AJAP1: variants seen among roughly 807,000 people sequenced by gnomAD.
The protein encoded by AJAP1 is adherens junctions associated protein 1.
Under a neutral mutation model 35.0 loss-of-function variants are expected in AJAP1, and 5 were observed. The observed-to-expected ratio is 0.14, with a 90% CI of 0.07 to 0.30. AJAP1 has a LOEUF of 0.30. Ranked by LOEUF, AJAP1 falls within the 10% of genes least tolerant of loss-of-function variation. AJAP1 has a pLI of 1.00. For synonymous variants in AJAP1, 284 were observed against 249.3 expected (o/e 1.14, Z -1.31); for missense variants, 586 against 571.0 (o/e 1.03, Z -0.27).
At chr1:4,678,214 CAGTT>C (rs1210672628) in intron 1 of AJAP1, among the ~76,000 whole-genome samples, 1 of 152,220 alleles carries the variant, frequency 6.6e-6, no homozygotes, top group African/African-American at 2.4e-5. Context: ...ATTTGTGAAG[CAGTT>C]AGAGTGGTGT....
chr1:4,689,423 C>T (rs959567320), intron 1 of AJAP1, among the ~76,000 whole-genome samples: 8 of 152,252 alleles, frequency 5.3e-5, no homozygotes, highest in African/African-American at 1.2e-4. Flanking sequence ...GGGCCAGGAA[C>T]GCAAGGCCCA....
intron 2 of AJAP1, among the ~76,000 whole-genome samples, chr1:4,746,641 C>G (rs1054784407): frequency 6.6e-6 from 1 of 152,198 alleles, no homozygotes; most frequent in Non-Finnish European, 1.5e-5. Context: ...ACCGAAAATA[C>G]GTTTTAGGGC....
At chr1:4,737,016 T>C (rs1360964009) in intron 2 of AJAP1, among the ~76,000 whole-genome samples, 1 of 152,072 alleles carries the variant, frequency 6.6e-6, no homozygotes, top group African/African-American at 2.4e-5. Context: ...TAGAGAAAAA[T>C]GGTTGAATGA....
rs1640873120 is a variant in AJAP1 at position 4,734,470 on chromosome 1, T to C, written c.829+21771T>C. Reference sequence around the variant, plus strand: ...CAGCCTGAAGGGGGTGGAGTCAGGATTCAAACCTAGGTTCCAGGGATGGTG... The same window carrying C: ...CAGCCTGAAGGGGGTGGAGTCAGGACTCAAACCTAGGTTCCAGGGATGGTG... On this transcript the variant is annotated intron_variant, in intron 2 of 5. Transcript: ENST00000378191. The surrounding 1 kb of genome is among the most constrained non-coding windows in gnomAD (Gnocchi z 4.3). 6.6e-6 allele frequency among the ~76,000 whole-genome samples: 1 copy of C among 152,098 alleles called. No individual in the cohort carries two copies. Among genetic ancestry groups the C allele is most frequent in the East Asian group, 1.9e-4 (1 of 5,180 alleles).
intron 2 of AJAP1, among the ~76,000 whole-genome samples, chr1:4,722,177 A>G (rs1034054544): frequency 1.3e-5 from 2 of 152,128 alleles, no homozygotes; most frequent in Non-Finnish European, 2.9e-5. Flanking sequence ...CGGTGGTTGC[A>G]TGCGGGGGAA....
chr1:4,669,357 A>G (rs1462803453), intron 1 of AJAP1, among the ~76,000 whole-genome samples: 1 of 152,198 alleles, frequency 6.6e-6, no homozygotes, highest in Non-Finnish European at 1.5e-5. Flanking sequence ...TTTATAAAGG[A>G]AGAGGTTTAA....
chr1:4,681,554 T>C (rs925727260), intron 1 of AJAP1, among the ~76,000 whole-genome samples: 3 of 152,230 alleles, frequency 2.0e-5, no homozygotes, highest in Non-Finnish European at 4.4e-5. Flanking sequence ...ATTCCGGGCA[T>C]TTCTGCTTAC....
chr1:4,656,142 G>C lies in AJAP1; in HGVS notation c.29+688G>C, dbSNP rs1160479605. ...GCACATACGCCCGCCGGCGCGCCCG[G>C]GGCTTGTCTGTGTCTGGGACTCCAG... On this transcript the variant is annotated intron_variant, in intron 1 of 5. Coordinates refer to ENST00000378191, the MANE Select transcript of AJAP1 (RefSeq NM_018836.4). The surrounding 1 kb of genome is among the most constrained non-coding windows in gnomAD (Gnocchi z 5.7). Among the ~76,000 whole-genome samples, 4 of 152,184 alleles carry C rather than the reference G, an allele frequency of 2.6e-5. No homozygotes were observed. Among genetic ancestry groups the C allele is most frequent in the African/African-American group, 9.6e-5 (4 of 41,456 alleles).
intron 2 of AJAP1, among the ~76,000 whole-genome samples, chr1:4,740,659 G>A (rs372861681): frequency 4.6e-5 from 7 of 151,370 alleles, no homozygotes; most frequent in South Asian, 2.1e-4. Flanking sequence ...GGTGGCGGGC[G>A]CCTGTAGTCC....
intron 1 of AJAP1, among the ~76,000 whole-genome samples, chr1:4,695,750 C>G (rs1253419080): frequency 6.6e-6 from 1 of 152,096 alleles, no homozygotes; most frequent in Non-Finnish European, 1.5e-5. Context: ...TTTTAAGTCC[C>G]TATTGGATTA....
In AJAP1 at chr1:4,783,471, G is replaced by GTATATATATATATATATA. The variant is rs70957905; in HGVS notation, c.*1008_*1025dup. 3.5e-5 allele frequency: 2 copies of GTATATATATATATATATA among 57,810 alleles called. No individual in the cohort carries two copies. Among genetic ancestry groups the GTATATATATATATATATA allele is most frequent in the African/African-American group, 7.5e-5 (1 of 13,400 alleles). The allele number at this position is 57,810 out of a possible 1,614,324, so 3.6% of individuals were successfully genotyped here. A position where few individuals can be genotyped will look rare whatever the true frequency, so the allele number is the denominator to read the frequency against. On this transcript the variant is annotated 3_prime_UTR_variant, in exon 6 of 6. Coordinates refer to ENST00000378191, the MANE Select transcript of AJAP1 (RefSeq NM_018836.4). The stretch of plus-strand genomic sequence containing the variant: ...ATGCCAAGGTTTTATATATGTGTGT[G>GTATATATATATATATATA]TATATATATATATATATATATATAT...
chr1:4,729,670 A>T (rs964366655), intron 2 of AJAP1, among the ~76,000 whole-genome samples: 1 of 138,688 alleles, frequency 7.2e-6, no homozygotes, highest in Non-Finnish European at 1.6e-5. Flanking sequence ...CAGCCGTCCT[A>T]TTGGATGAGG....
intron 2 of AJAP1, among the ~76,000 whole-genome samples, chr1:4,740,397 T>TGGGGGAGGGGGGGGGGGA (rs1553159528): frequency 7.0e-6 from 1 of 142,912 alleles, no homozygotes; most frequent in Non-Finnish European, 1.5e-5. Flanking sequence ...GGGGACAGAG[T>TGGGGGAGGGGGGGGGGGA]TTCAGTTTTG....
chr1:4,736,720 A>C (rs1342719171), intron 2 of AJAP1, among the ~76,000 whole-genome samples: 2 of 152,200 alleles, frequency 1.3e-5, no homozygotes, highest in Non-Finnish European at 2.9e-5. Flanking sequence ...TTTATTGAAT[A>C]AGCAAATGAA....
chr1:4,671,754 C>A (rs1639253908), intron 1 of AJAP1, among the ~76,000 whole-genome samples: 1 of 152,200 alleles, frequency 6.6e-6, no homozygotes, highest in South Asian at 2.1e-4. Flanking sequence ...ATTTTTCCTG[C>A]TTTTGTAAAT....
intron 5 of AJAP1, among the ~76,000 whole-genome samples, chr1:4,780,222 G>A (rs1293592728): frequency 2.0e-5 from 3 of 151,344 alleles, no homozygotes; most frequent in Non-Finnish European, 4.4e-5. Flanking sequence ...TCCTGTGCAG[G>A]CATCTTCACA....
At chr1:4,780,521 G>A (rs1642037397) in intron 5 of AJAP1, among the ~76,000 whole-genome samples, 1 of 152,058 alleles carries the variant, frequency 6.6e-6, no homozygotes, top group South Asian at 2.1e-4. Context: ...ATGTGGAAGA[G>A]GTGGGCAGGG....
Position 4,786,066 on chromosome 1 carries a change from T to C in AJAP1, c.*3581T>C, listed in dbSNP as rs1642156811. 1 of 152,182 alleles carries C rather than the reference T, an allele frequency of 6.6e-6. No homozygotes were observed. Among genetic ancestry groups the C allele is most frequent in the African/African-American group, 2.4e-5 (1 of 41,434 alleles). The allele number at this position is 152,182 out of a possible 1,614,324, so 9.4% of individuals were successfully genotyped here. Reference sequence around the variant, plus strand: ...GAGTTTGGCGTGAGAAAGGCAGGGTTCTCCAGGCATGGTCAGGGAGCTTCC... The same window carrying C: ...GAGTTTGGCGTGAGAAAGGCAGGGTCCTCCAGGCATGGTCAGGGAGCTTCC... On this transcript the variant is annotated 3_prime_UTR_variant, in exon 6 of 6. Transcript: ENST00000378191.
intron 2 of AJAP1, among the ~76,000 whole-genome samples, chr1:4,725,438 G>T (rs1640632535): frequency 1.3e-5 from 2 of 152,168 alleles, no homozygotes; most frequent in African/African-American, 4.8e-5. Context: ...GGTGCCTGGC[G>T]AGGGCTTGCT....
Sources: gnomAD v4.1 joint callset for allele counts (sites outside exome capture counted in the v4.1 genomes callset) on GRCh38, gnomAD v4.1.1 for gene constraint, Gnocchi (gnomAD v3.1) non-coding constraint, MANE v1.5 for transcripts, NCBI Gene and HGNC (gene_info 2026-07-23, HGNC 2026-07-21) for gene names.